Variants in PLD5 observed in about 807,000 individuals in gnomAD.
The protein encoded by PLD5 is inactive phospholipase D5.
A neutral mutation model predicts 61.1 loss-of-function variants in PLD5; 36 were observed. That is an observed-to-expected ratio of 0.59 (90% CI 0.45 to 0.78). The LOEUF (loss-of-function observed/expected upper bound fraction) is 0.78. Ranked by LOEUF, PLD5 falls within the 30% of genes least tolerant of loss-of-function variation. The pLI is 0.00. For synonymous variants in PLD5, 243 were observed against 242.8 expected (o/e 1.00, Z -0.01); for missense variants, 515 against 644.4 (o/e 0.80, Z 2.17).
chr1:242,450,488 G>A (rs910270321), intron 1 of PLD5, among the ~76,000 whole-genome samples: 17 of 152,160 alleles, frequency 1.1e-4, no homozygotes, highest in African/African-American at 3.9e-4. Context: ...AGCCTGATTT[G>A]TTCCAGGCTT....
At chr1:242,110,805 G>C (rs530662774) in intron 7 of PLD5, among the ~76,000 whole-genome samples, 1 of 146,692 alleles carries the variant, frequency 6.8e-6, no homozygotes, top group African/African-American at 2.5e-5. Flanking sequence ...GCAAAACTCT[G>C]TCTCACACAC....
intron 4 of PLD5, among the ~76,000 whole-genome samples, chr1:242,227,584 G>C (rs964666316): frequency 6.6e-6 from 1 of 152,090 alleles, no homozygotes; most frequent in South Asian, 2.1e-4. Flanking sequence ...GGCTGGTCTC[G>C]AACTCCTGAG....
intron 1 of PLD5, among the ~76,000 whole-genome samples, chr1:242,353,895 C>T (rs949785099): frequency 4.6e-5 from 7 of 151,678 alleles, no homozygotes; most frequent in South Asian, 4.2e-4. Flanking sequence ...ATTATTCTCT[C>T]GATTTCTTTT....
At chr1:242,363,987 A>G (rs1175240366) in intron 1 of PLD5, among the ~76,000 whole-genome samples, 1 of 152,222 alleles carries the variant, frequency 6.6e-6, no homozygotes, top group Non-Finnish European at 1.5e-5. Flanking sequence ...AAGGAGAGGA[A>G]GAGACAGAAA....
At chr1:242,104,649 A>G (rs528987630) in intron 8 of PLD5, among the ~76,000 whole-genome samples, 2 of 152,270 alleles carry the variant, frequency 1.3e-5, no homozygotes, top group South Asian at 2.1e-4. Context: ...AAATAGGGAA[A>G]GTACCTGTTT....
intron 6 of PLD5, among the ~76,000 whole-genome samples, chr1:242,122,204 A>T (rs1442043791): frequency 1.3e-5 from 2 of 152,334 alleles, no homozygotes; most frequent in Non-Finnish European, 1.5e-5. Context: ...GCCCTAGAAA[A>T]TAACAAAGGT....
intron 5 of PLD5, among the ~76,000 whole-genome samples, chr1:242,209,800 G>A (rs1669680608): frequency 6.6e-6 from 1 of 152,196 alleles, no homozygotes; most frequent in Middle Eastern, 3.4e-3. Flanking sequence ...TGGGTTGTTT[G>A]TTGTTCATCT....
At position 242,089,911 on chromosome 1, in the gene PLD5, G is replaced by A; in HGVS notation, c.1554C>T (p.Pro518=). ...PNCSSLFKLK[P]LSNKTATDDT... ...CGTCTGTGGCAGTTTTGTTGGAGAG[G>A]GGTTTGAGTTTGAACAGGCTTGAGC... The change falls in exon 10 of 10, where the codon CCC becomes CCT. Residue 518 remains proline, a synonymous_variant. Coordinates refer to ENST00000536534, the MANE Select transcript of PLD5 (RefSeq NM_001372062.1). 6.2e-7 allele frequency: 1 copy of A among 1,614,208 alleles called. No individual in the cohort carries two copies. Among genetic ancestry groups the A allele is most frequent in the Non-Finnish European group, 8.5e-7 (1 of 1,180,036 alleles).
chr1:242,292,447 T>C (rs1574678270), intron 2 of PLD5, among the ~76,000 whole-genome samples: 1 of 152,334 alleles, frequency 6.6e-6, no homozygotes, highest in South Asian at 2.1e-4. Context: ...AGTATAATTG[T>C]ACAATTACAG....
At chr1:242,507,326 A>C (rs1668761047) in intron 1 of PLD5, among the ~76,000 whole-genome samples, 1 of 152,172 alleles carries the variant, frequency 6.6e-6, no homozygotes, top group South Asian at 2.1e-4. Flanking sequence ...TTGAGACACA[A>C]ATCTGAACCA....
At chr1:242,145,322 G>T (rs1664470519) in intron 5 of PLD5, among the ~76,000 whole-genome samples, 1 of 152,136 alleles carries the variant, frequency 6.6e-6, no homozygotes. Flanking sequence ...GAATAGGTAG[G>T]CTCTTCAGGA....
Position 242,452,346 on chromosome 1 carries a change from A to G in PLD5, c.189+71742T>C, listed in dbSNP as rs537149792. 1.4e-4 allele frequency among the ~76,000 whole-genome samples: 22 copies of G among 152,254 alleles called. 1 individual carries two copies. Among genetic ancestry groups the G allele is most frequent in the African/African-American group, 5.1e-4 (21 of 41,556 alleles). On this transcript the variant is annotated intron_variant, in intron 1 of 9. Coordinates refer to ENST00000536534, the MANE Select transcript of PLD5 (RefSeq NM_001372062.1). ...AAAATTGTTTGGCACTTTTATTATC[A>G]AAATTGTTACACTTTTCAGCTTGAT...
intron 8 of PLD5, among the ~76,000 whole-genome samples, chr1:242,103,690 C>T (rs77894482): frequency 0.081 from 12,307 of 152,258 alleles, 573 homozygotes; most frequent in Middle Eastern, 0.17. Context: ...CAGGTTGGTG[C>T]CCTGATCCAA....
intron 1 of PLD5, among the ~76,000 whole-genome samples, chr1:242,403,394 T>A (rs1159021128): frequency 6.6e-6 from 1 of 151,736 alleles, no homozygotes; most frequent in African/African-American, 2.4e-5. Context: ...CATCAATACC[T>A]ACAGGGGCAG....
At chr1:242,148,315 G>T in intron 5 of PLD5, among the ~76,000 whole-genome samples, 1 of 112,040 alleles carries the variant, frequency 8.9e-6, no homozygotes, top group Admixed American at 8.2e-5. Flanking sequence ...ATATGTGTTG[G>T]TCTATTTCTG....
intron 4 of PLD5, among the ~76,000 whole-genome samples, chr1:242,236,858 T>C (rs959039152): frequency 6.6e-6 from 1 of 152,210 alleles, no homozygotes; most frequent in African/African-American, 2.4e-5. Context: ...AACCTCTCCT[T>C]AGAAAAATGT....
At chr1:242,167,075 ATAG>A (rs57342372) in intron 5 of PLD5, among the ~76,000 whole-genome samples, 18,684 of 52,244 alleles carry the variant, frequency 0.36, 1,329 homozygotes, top group South Asian at 0.45. Context: ...GACAATAATA[ATAG>A]TAATAATAAT....
At chr1:242,144,198 TAAAC>T (rs1212836816) in intron 5 of PLD5, among the ~76,000 whole-genome samples, 4 of 122,384 alleles carry the variant, frequency 3.3e-5, no homozygotes, top group South Asian at 6.3e-4. Context: ...AAAATATTAT[TAAAC>T]AAACCAAAAT....
intron 1 of PLD5, among the ~76,000 whole-genome samples, chr1:242,410,122 G>A (rs566034217): frequency 6.6e-6 from 1 of 152,236 alleles, no homozygotes; most frequent in Admixed American, 6.5e-5. Context: ...GGTTTTGGGC[G>A]ACGACTATTT....
Sources: gnomAD v4.1 joint callset for allele counts (sites outside exome capture counted in the v4.1 genomes callset) on GRCh38, gnomAD v4.1.1 for gene constraint, MANE v1.5 for transcripts, NCBI Gene and HGNC (gene_info 2026-07-23, HGNC 2026-07-21) for gene names.